SLC2A14: variants seen among roughly 807,000 people sequenced by gnomAD.
SLC2A14 encodes solute carrier family 2, facilitated glucose transporter member 14.
A neutral mutation model predicts 43.0 loss-of-function variants in SLC2A14; 13 were observed. That is an observed-to-expected ratio of 0.30 (90% CI 0.20 to 0.48). The LOEUF (loss-of-function observed/expected upper bound fraction) is 0.48, where lower values mean the gene tolerates loss of function less well. SLC2A14 is among the 20% of genes least tolerant of loss of function. The pLI, the probability that SLC2A14 is intolerant of heterozygous loss-of-function variation, is 0.99. For synonymous variants in SLC2A14, 190 were observed against 233.8 expected, an observed-to-expected ratio of 0.81 and a Z score of 1.71; for missense variants, 428 against 620.4, an observed-to-expected ratio of 0.69 and a Z score of 3.29.
chr12:7,886,841 C>T (rs1240745520), intron 1 of SLC2A14, among the ~76,000 whole-genome samples: 1 of 151,900 alleles, frequency 6.6e-6, no homozygotes, highest in African/African-American at 2.4e-5. Context: ...GAAATGACTC[C>T]TACCCTCTAT....
At chr12:7,833,724 G>A (rs1440830133) in intron 2 of SLC2A14, among the ~76,000 whole-genome samples, 1 of 151,712 alleles carries the variant, frequency 6.6e-6, no homozygotes, top group Non-Finnish European at 1.5e-5. Context: ...GGAGGTTGCA[G>A]TGAGCCGAGA....
intron 7 of SLC2A14, among the ~76,000 whole-genome samples, chr12:7,826,988 C>CTCTCTCTCTCTTTCTCTCCTT (rs764493072): frequency 2.7e-5 from 2 of 72,828 alleles, no homozygotes; most frequent in Non-Finnish European, 3.4e-5. Flanking sequence ...TCTCTCCTTT[C>CTCTCTCTCTCTTTCTCTCCTT]TCTCTTTCTC....
chr12:7,881,385 CGGCCCT>C (rs1945568778), intron 1 of SLC2A14, among the ~76,000 whole-genome samples: 3 of 151,782 alleles, frequency 2.0e-5, no homozygotes, highest in Admixed American at 6.6e-5. Flanking sequence ...GCCGGCCGGC[CGGCCCT>C]GGTGGCCCCG....
intron 10 of SLC2A14, among the ~76,000 whole-genome samples, chr12:7,815,232 A>G (rs1003202954): frequency 6.6e-5 from 10 of 151,716 alleles, no homozygotes; most frequent in Admixed American, 2.6e-4. Flanking sequence ...CCAACATGGC[A>G]AAACCCCGTC....
intron 1 of SLC2A14, among the ~76,000 whole-genome samples, chr12:7,882,441 C>G (rs771071161): frequency 6.6e-6 from 1 of 152,104 alleles, no homozygotes; most frequent in Admixed American, 6.6e-5. Flanking sequence ...TTCTTGAAGT[C>G]AGTGAGACCA....
At chr12:7,815,882 G>T (rs780529622) in intron 10 of SLC2A14, among the ~76,000 whole-genome samples, 1 of 147,842 alleles carries the variant, frequency 6.8e-6, no homozygotes, top group African/African-American at 2.5e-5. Flanking sequence ...GGCCAGTTTT[G>T]TTTTTTTTTG....
chr12:7,874,461 C>G (rs1190065293), upstream of SLC2A14, among the ~76,000 whole-genome samples: 1 of 151,756 alleles, frequency 6.6e-6, no homozygotes, highest in Non-Finnish European at 1.5e-5. Context: ...ATCATGAGAT[C>G]AAGAGTTCAA....
At chr12:7,865,958 T>C (rs1373566910) in intron 2 of SLC2A14, among the ~76,000 whole-genome samples, 3 of 152,250 alleles carry the variant, frequency 2.0e-5, no homozygotes, top group African/African-American at 7.2e-5. Context: ...AGCTCACGCC[T>C]GTAATCCCAA....
At chr12:7,881,682 G>T (rs1945576715) in intron 1 of SLC2A14, among the ~76,000 whole-genome samples, 1 of 152,180 alleles carries the variant, frequency 6.6e-6, no homozygotes, top group Admixed American at 6.5e-5. Flanking sequence ...GGGACTGGCA[G>T]ACAGCTCCAC....
intron 2 of SLC2A14, among the ~76,000 whole-genome samples, chr12:7,846,470 G>A (rs1040695104): frequency 2.0e-5 from 3 of 151,302 alleles, no homozygotes; most frequent in South Asian, 2.1e-4. Flanking sequence ...AATAAGAGTG[G>A]ATAATATCAT....
chr12:7,879,009 T>C (rs867827895), intron 1 of SLC2A14, among the ~76,000 whole-genome samples: 46 of 112,650 alleles, frequency 4.1e-4, no homozygotes, highest in African/African-American at 1.4e-3. Flanking sequence ...AAAAAAACAA[T>C]TTGTCTTTCT....
chr12:7,859,418 A>C (rs749806041), intron 2 of SLC2A14, among the ~76,000 whole-genome samples: 4 of 152,056 alleles, frequency 2.6e-5, no homozygotes, highest in Non-Finnish European at 4.4e-5. Flanking sequence ...AAAGGAAATA[A>C]ATTTTGGAAA....
upstream of SLC2A14, among the ~76,000 whole-genome samples, chr12:7,877,753 A>G (rs1592327734): frequency 6.6e-6 from 1 of 151,538 alleles, no homozygotes; most frequent in East Asian, 1.9e-4. Flanking sequence ...TTTGTTTTAA[A>G]TTCTATTTAT....
chr12:7,844,543 C>CA (rs1555134863), intron 2 of SLC2A14, among the ~76,000 whole-genome samples: 4 of 146,208 alleles, frequency 2.7e-5, no homozygotes, highest in Admixed American at 2.1e-4. Flanking sequence ...TAGTAAACTC[C>CA]TTTTTTTTTT....
chr12:7,891,052 A>C, exon 1 of SLC2A14: 1 of 1,535,226 alleles, frequency 6.5e-7, no homozygotes, highest in East Asian at 2.4e-5. Flanking sequence ...TGAGAAGAAA[A>C]AAAGAAATGC....
intron 1 of SLC2A14, among the ~76,000 whole-genome samples, chr12:7,879,330 C>CAAA (rs1484841485): frequency 4.1e-5 from 6 of 144,746 alleles, no homozygotes; most frequent in Non-Finnish European, 8.9e-5. Flanking sequence ...CAAACAACAA[C>CAAA]AAAAAAAAAC....
Position 7,870,142 on chromosome 12 carries a change from C to A in SLC2A14, c.-57-205G>T, listed in dbSNP as rs555583347. Among the ~76,000 whole-genome samples the A allele has an allele frequency of 4.6e-5, 7 of 152,166 alleles. No homozygotes were observed. The Middle Eastern group carries it at 0.01, about 223-fold the overall frequency. On this transcript the variant is annotated intron_variant, in intron 1 of 10. Transcript: ENST00000431042. ...AAGTTTATTCTACTCATTCAGTAGCCATTGAGAAGCATTTTTTCAAATAAG... is the reference window on the plus strand; with the variant it reads ...AAGTTTATTCTACTCATTCAGTAGCAATTGAGAAGCATTTTTTCAAATAAG...
At chr12:7,868,483 C>T (rs1273294563) in intron 2 of SLC2A14, among the ~76,000 whole-genome samples, 3 of 152,142 alleles carry the variant, frequency 2.0e-5, no homozygotes, top group Non-Finnish European at 4.4e-5. Context: ...CCTCCCCGTC[C>T]ATTCCACCAT....
At chr12:7,883,522 TC>T (rs1224062603) in intron 1 of SLC2A14, among the ~76,000 whole-genome samples, 1 of 150,280 alleles carries the variant, frequency 6.7e-6, no homozygotes, top group Non-Finnish European at 1.5e-5. Context: ...TGCCTCGGCC[TC>T]CCAAAGTGCT....
Sources: gnomAD v4.1 joint callset for allele counts (sites outside exome capture counted in the v4.1 genomes callset) on GRCh38, gnomAD v4.1.1 for gene constraint, MANE v1.5 for transcripts, NCBI Gene and HGNC (gene_info 2026-07-23, HGNC 2026-07-21) for gene names.